The following THAP10 variants were observed in gnomAD, a reference collection of about 807,000 sequenced individuals.
The protein encoded by THAP10 is THAP domain-containing protein 10.
In THAP10, 10 loss-of-function variants were observed where a neutral mutation model predicts 15.7. The ratio of observed to expected loss-of-function variants is 0.64; its 90% CI spans 0.39 to 1.08. THAP10 has a LOEUF of 1.08. Among genes scored for constraint, THAP10 ranks in the 50% least tolerant of loss-of-function variants. The pLI is 0.01. For synonymous variants in THAP10, 127 were observed against 129.1 expected (o/e 0.98, Z 0.11); for missense variants, 310 against 330.9 (o/e 0.94, Z 0.49).
chr15:70,889,580 C>A (rs906149405), intron 1 of THAP10, among the ~76,000 whole-genome samples: 3 of 152,112 alleles, frequency 2.0e-5, no homozygotes, highest in African/African-American at 7.2e-5. Flanking sequence ...TTAAAAAATT[C>A]AGTTGGGTTT....
Position 70,892,406 on chromosome 15 carries a change from TA to T in THAP10, c.-135del. The T allele has an allele frequency of 6.5e-7, 1 of 1,540,694 alleles. No homozygotes were observed. Among genetic ancestry groups the T allele is most frequent in the Non-Finnish European group, 8.7e-7 (1 of 1,146,472 alleles). The stretch of plus-strand genomic sequence containing the variant: ...TCCGGGTCGGGATTGTTTCCTTCCC[TA>T]CCTCTGGTCACCGGAAGTGGCGATC... On this transcript the variant is annotated 5_prime_UTR_variant, in exon 1 of 3. Transcript: ENST00000249861.
rs1163865180 is a variant in THAP10 at position 70,882,873 on chromosome 15, G to A, written c.465C>T (p.Pro155=). 1.2e-6 allele frequency: 2 copies of A among 1,613,992 alleles called. No homozygotes were observed. The highest frequency in any genetic ancestry group is 1.7e-6 in the Non-Finnish European group (2 of 1,180,008). Residue 155 remains proline, a synonymous_variant, in exon 2 of 3, where the codon CCC becomes CCT. Coordinates refer to ENST00000249861, the MANE Select transcript of THAP10 (RefSeq NM_020147.4). ...CAGTATTAGATGGATTATCAGCATG[G>A]GGTTGGGTTTGCACAAGTTCATTTT... ...TCENELVQTQ[P]HADNPSNTVT... is the part of the protein sequence containing the mutation.
At chr15:70,889,905 A>G (rs1451160807) in intron 1 of THAP10, among the ~76,000 whole-genome samples, 3 of 152,236 alleles carry the variant, frequency 2.0e-5, no homozygotes, top group African/African-American at 7.2e-5. Flanking sequence ...TATCCAGACC[A>G]GGCTAAACAT....
chr15:70,891,961 G>A lies in THAP10; in HGVS notation c.312C>T (p.Asp104=), dbSNP rs1157210725. 1.2e-6 allele frequency: 2 copies of A among 1,613,612 alleles called. No individual in the cohort carries two copies. The highest frequency in any genetic ancestry group is 1.7e-6 in the Non-Finnish European group (2 of 1,179,854). The change falls in exon 1 of 3, where the codon GAC becomes GAT. Residue 104 remains aspartate, a synonymous_variant. Transcript: ENST00000249861. ...APAPKRGEEG[D]QAGRLDTRGE... is the part of the protein sequence containing the mutation. ...CTCGCGTGTCCAGGCGGCCTGCTTG[G>A]TCTCCCTCCTCTCCCCTCTTAGGTG...
intron 1 of THAP10, among the ~76,000 whole-genome samples, chr15:70,889,568 A>G (rs2033500245): frequency 1.3e-5 from 2 of 152,238 alleles, no homozygotes; most frequent in South Asian, 4.1e-4. Flanking sequence ...CAAGTCAACA[A>G]TTTAAAAAAT....
At chr15:70,883,580 T>A (rs2033324246) in intron 1 of THAP10, among the ~76,000 whole-genome samples, 1 of 152,170 alleles carries the variant, frequency 6.6e-6, no homozygotes. Context: ...TTATACTTTA[T>A]AGAAGTCTCC....
chr15:70,891,410 T>A (rs2033558557), intron 1 of THAP10, among the ~76,000 whole-genome samples: 1 of 152,192 alleles, frequency 6.6e-6, no homozygotes, highest in African/African-American at 2.4e-5. Context: ...CCCCATCATT[T>A]GTGACACAAA....
At chr15:70,890,906 A>T (rs2033538906) in intron 1 of THAP10, among the ~76,000 whole-genome samples, 1 of 152,176 alleles carries the variant, frequency 6.6e-6, no homozygotes, top group Non-Finnish European at 1.5e-5. Context: ...TGCAGGGGGA[A>T]AAAACATGCA....
At chr15:70,885,887 T>G (rs1211818076) in intron 1 of THAP10, among the ~76,000 whole-genome samples, 1 of 152,194 alleles carries the variant, frequency 6.6e-6, no homozygotes, top group African/African-American at 2.4e-5. Flanking sequence ...GTACGCACAT[T>G]CATCTCAAGT....
intron 1 of THAP10, among the ~76,000 whole-genome samples, chr15:70,887,852 A>G (rs998458785): frequency 1.3e-5 from 2 of 152,208 alleles, no homozygotes; most frequent in African/African-American, 4.8e-5. Flanking sequence ...ATTGAAATTA[A>G]TAAGTGAGTT....
At position 70,892,142 on chromosome 15, in the gene THAP10, C is replaced by T. The variant is rs149961459; in HGVS notation, c.131G>A (p.Trp44Ter). ...GACCGAGCGGTCATTGCCTCCGTACCAGTCGGCGCGGCAACCCCGCACGAA... is the reference window on the plus strand; with the variant it reads ...GACCGAGCGGTCATTGCCTCCGTACTAGTCGGCGCGGCAACCCCGCACGAA... ...DRFVRGCRAD[W>*]YGGNDRSVIC... Residue 44 changes from tryptophan to a stop codon, truncating the protein, a stop_gained, in exon 1 of 3, where the codon TGG (tryptophan) becomes TAG (stop). Transcript: ENST00000249861. LOFTEE classifies it high-confidence loss of function. 6.2e-7 allele frequency: 1 copy of T among 1,613,556 alleles called. No homozygotes were observed. Among genetic ancestry groups the T allele is most frequent in the East Asian group, 2.2e-5 (1 of 44,844 alleles).
Position 70,891,933 on chromosome 15 carries a change from C to G in THAP10, c.340G>C (p.Glu114Gln). The G allele has an allele frequency of 6.2e-7, 1 of 1,613,856 alleles. No homozygotes were observed. Among genetic ancestry groups the G allele is most frequent in the Non-Finnish European group, 8.5e-7 (1 of 1,179,938 alleles). Residue 114 changes from glutamate (E) to glutamine (Q), a missense_variant, in exon 1 of 3, where the codon GAG becomes CAG. Transcript: ENST00000249861. ...DQAGRLDTRG[E>Q]LQAARHSEAA... ...TCAGAATGCCTGGCTGCCTGGAGCT[C>G]TCCTCGCGTGTCCAGGCGGCCTGCT...
chr15:70,884,708 C>T (rs185105923), intron 1 of THAP10, among the ~76,000 whole-genome samples: 1 of 152,126 alleles, frequency 6.6e-6, no homozygotes, highest in African/African-American at 2.4e-5. Flanking sequence ...AGAATAAACA[C>T]ATATTTCTTT....
At chr15:70,888,224 A>C (rs1364569905) in intron 1 of THAP10, among the ~76,000 whole-genome samples, 1 of 152,182 alleles carries the variant, frequency 6.6e-6, no homozygotes, top group Non-Finnish European at 1.5e-5. Flanking sequence ...CAACATAGTC[A>C]AAATATCCAC....
At position 70,882,496 on chromosome 15, in the gene THAP10, A is replaced by G. The variant is rs780057860; in HGVS notation, c.732T>C (p.Asp244=). The G allele has an allele frequency of 9.9e-6, 16 of 1,613,604 alleles. No homozygotes were observed. Among genetic ancestry groups the G allele is most frequent in the Non-Finnish European group, 1.4e-5 (16 of 1,179,924 alleles). The change falls in exon 3 of 3, where the codon GAT becomes GAC. Residue 244 remains aspartate (D), a synonymous_variant. Coordinates refer to ENST00000249861, the MANE Select transcript of THAP10 (RefSeq NM_020147.4). ...TDWDIKSEQS[D]LSYMAVQVKE... is the part of the protein sequence containing the mutation. ...TCACCTGTACAGCCATATAAGACAA[A>G]TCACTCTGTTCACTCTTGATATCCC...
At chr15:70,889,759 CTCT>C (rs1207402803) in intron 1 of THAP10, among the ~76,000 whole-genome samples, 1 of 152,124 alleles carries the variant, frequency 6.6e-6, no homozygotes, top group Non-Finnish European at 1.5e-5. Context: ...TCTACAATAG[CTCT>C]TCAATAAATG....
intron 1 of THAP10, among the ~76,000 whole-genome samples, chr15:70,883,228 G>A (rs2141085072): frequency 6.7e-6 from 1 of 149,318 alleles, no homozygotes; most frequent in Non-Finnish European, 1.5e-5. Context: ...TTTTGCTCTT[G>A]TTGCCCAAGC....
At chr15:70,890,098 C>T (rs1360553843) in intron 1 of THAP10, among the ~76,000 whole-genome samples, 2 of 152,090 alleles carry the variant, frequency 1.3e-5, no homozygotes, top group Non-Finnish European at 2.9e-5. Flanking sequence ...TGTTTCCCAA[C>T]GGTTAGTTTT....
At chr15:70,884,506 T>C (rs2033351236) in intron 1 of THAP10, among the ~76,000 whole-genome samples, 1 of 150,828 alleles carries the variant, frequency 6.6e-6, no homozygotes, top group Non-Finnish European at 1.5e-5. Flanking sequence ...GGCGACAGAG[T>C]GAGGCTCTGT....
Sources: allele counts gnomAD v4.1 joint callset (sites outside exome capture counted in the v4.1 genomes callset), GRCh38; gene constraint gnomAD v4.1.1; transcripts MANE v1.5; gene names NCBI Gene and HGNC (gene_info 2026-07-23, HGNC 2026-07-21).